COL5A2: variants seen among roughly 807,000 people sequenced by gnomAD.
COL5A2 encodes collagen type V alpha 2 chain.
COL5A2 carries 23 observed loss-of-function variants against 208.2 expected under a neutral mutation model. The ratio of observed to expected loss-of-function variants is 0.11; its 90% CI spans 0.08 to 0.16. COL5A2 has a LOEUF of 0.16. COL5A2 is among the 10% of genes least tolerant of loss of function. The pLI is 1.00. For synonymous variants in COL5A2, 625 were observed against 628.5 expected, an observed-to-expected ratio of 0.99 and a Z score of 0.08; for missense variants, 1,590 against 1,956.4, an observed-to-expected ratio of 0.81 and a Z score of 3.53.
chr2:189,266,845 A>G, the COL5A2 span, among the ~76,000 whole-genome samples: 1 of 152,166 alleles, frequency 6.6e-6, no homozygotes, highest in African/African-American at 2.4e-5. Context: ...GTCACTAGGT[A>G]GTCAAATGAA....
intron 1 of COL5A2, among the ~76,000 whole-genome samples, chr2:189,117,112 A>AC (rs11433999): frequency 0.77 from 117,023 of 152,060 alleles, 48,432 homozygotes; most frequent in Non-Finnish European, 0.91. Flanking sequence ...CATATTAGGT[A>AC]TACTTAAGTT....
chr2:189,324,669 A>C, the COL5A2 span, among the ~76,000 whole-genome samples: 1 of 152,222 alleles, frequency 6.6e-6, no homozygotes, highest in Non-Finnish European at 1.5e-5. Context: ...ACGAAACAAC[A>C]GGTGTTGGAG....
At chr2:189,201,234 T>C (rs929432574) in intron 1 of COL5A2, among the ~76,000 whole-genome samples, 38 of 152,038 alleles carry the variant, frequency 2.5e-4, no homozygotes, top group Non-Finnish European at 5.0e-4. Flanking sequence ...CATATGATGA[T>C]TAACCTTCAT....
At chr2:189,200,952 T>C (rs1689061232) in intron 1 of COL5A2, among the ~76,000 whole-genome samples, 1 of 152,000 alleles carries the variant, frequency 6.6e-6, no homozygotes, top group South Asian at 2.1e-4. Context: ...GGCAGTCCTG[T>C]ACTACAAGAA....
chr2:189,391,517 T>A, the COL5A2 span, among the ~76,000 whole-genome samples: 1 of 152,070 alleles, frequency 6.6e-6, no homozygotes, highest in African/African-American at 2.4e-5. Flanking sequence ...ATCTAGTGTA[T>A]CAGAAGAGAC....
At chr2:189,362,050 C>A in the COL5A2 span, among the ~76,000 whole-genome samples, 1 of 151,994 alleles carries the variant, frequency 6.6e-6, no homozygotes, top group African/African-American at 2.4e-5. Flanking sequence ...TTTAGTTACC[C>A]CAACTAAAGT....
At chr2:189,231,766 G>T in the COL5A2 span, among the ~76,000 whole-genome samples, 1 of 149,374 alleles carries the variant, frequency 6.7e-6, no homozygotes, top group Admixed American at 6.7e-5. Flanking sequence ...AGAATAAAAA[G>T]AGAAAAAGAT....
At chr2:189,135,625 T>C (rs1687813305) in intron 1 of COL5A2, among the ~76,000 whole-genome samples, 1 of 152,104 alleles carries the variant, frequency 6.6e-6, no homozygotes, top group Non-Finnish European at 1.5e-5. Flanking sequence ...AACACTATGC[T>C]TATATCTACA....
the COL5A2 span, among the ~76,000 whole-genome samples, chr2:189,319,909 C>T: frequency 6.6e-6 from 1 of 151,940 alleles, no homozygotes; most frequent in Non-Finnish European, 1.5e-5. Flanking sequence ...CTGGGAGGCA[C>T]CCCCCCAGTA....
chr2:189,166,900 C>T (rs941548840), intron 1 of COL5A2, among the ~76,000 whole-genome samples: 2 of 152,010 alleles, frequency 1.3e-5, no homozygotes, highest in African/African-American at 2.4e-5. Context: ...CCATGAGGCT[C>T]GGAAAGAAAA....
At position 189,061,513 on chromosome 2, in the gene COL5A2, A is replaced by G. The variant is rs1686032091; in HGVS notation, c.2031+49T>C. The G allele has an allele frequency of 6.2e-6, 8 of 1,297,816 alleles. No homozygotes were observed. The East Asian group carries it at 1.6e-4, about 26-fold the overall frequency. The allele number at this position is 1,297,816 out of a possible 1,614,324, so 80.4% of individuals were successfully genotyped here. On this transcript the variant is annotated intron_variant, in intron 30 of 53. Coordinates refer to ENST00000374866, the MANE Select transcript of COL5A2 (RefSeq NM_000393.5). ...CATATCTTTTTTTTTAAAAAAAAAA[A>G]GCATTTTAGTTAATGGAAGATGAAA...
chr2:189,157,330 T>G (rs1044693882), intron 1 of COL5A2, among the ~76,000 whole-genome samples: 3 of 151,850 alleles, frequency 2.0e-5, no homozygotes, highest in Non-Finnish European at 2.9e-5. Flanking sequence ...ATCACACGTC[T>G]GGAAGTTTAA....
intron 6 of COL5A2, 94 bp from the exon 7 acceptor site, chr2:189,092,514 T>G (rs1485586464): frequency 1.3e-6 from 1 of 789,732 alleles, no homozygotes; most frequent in East Asian, 2.7e-5. Context: ...AAGGGAGTGT[T>G]TATTATTTTA....
At chr2:189,389,381 A>C in the COL5A2 span, among the ~76,000 whole-genome samples, 3 of 152,196 alleles carry the variant, frequency 2.0e-5, no homozygotes, top group Non-Finnish European at 4.4e-5. Context: ...AAAATACAGA[A>C]GAACAATTAT....
the COL5A2 span, among the ~76,000 whole-genome samples, chr2:189,400,863 AAG>A: frequency 2.0e-5 from 3 of 152,208 alleles, no homozygotes; most frequent in African/African-American, 7.2e-5. Flanking sequence ...CAAAGCTGGC[AAG>A]AGTCCTTTGG....
At chr2:189,420,883 A>G in the COL5A2 span, among the ~76,000 whole-genome samples, 2 of 152,190 alleles carry the variant, frequency 1.3e-5, no homozygotes, top group African/African-American at 4.8e-5. Context: ...TGTTTCTTAC[A>G]ACCAAATGAT....
the COL5A2 span, among the ~76,000 whole-genome samples, chr2:189,384,907 A>G: frequency 3.3e-4 from 51 of 152,308 alleles, no homozygotes; most frequent in Non-Finnish European, 6.3e-4. Flanking sequence ...CTTTATCATT[A>G]TAATGGAAAT....
chr2:189,036,837 G>T, intron 51 of COL5A2, 34 bp from the exon 52 acceptor site: 3 of 1,467,562 alleles, frequency 2.0e-6, no homozygotes, highest in South Asian at 2.4e-5. Flanking sequence ...ACTAAATAAA[G>T]ACAATCTCAA....
At chr2:189,432,278 G>A in the COL5A2 span, among the ~76,000 whole-genome samples, 6 of 152,102 alleles carry the variant, frequency 3.9e-5, no homozygotes, top group African/African-American at 7.2e-5. Context: ...ATCAATTAAC[G>A]GGCAAAATAA....
Sources: allele counts gnomAD v4.1 joint callset (sites outside exome capture counted in the v4.1 genomes callset), GRCh38; gene constraint gnomAD v4.1.1; transcripts MANE v1.5; gene names NCBI Gene and HGNC (gene_info 2026-07-23, HGNC 2026-07-21).